MRPL39: variants seen among roughly 807,000 people sequenced by gnomAD.
MRPL39 encodes the protein mitochondrial ribosomal protein L39.
Under a neutral mutation model 44.5 loss-of-function variants are expected in MRPL39, and 35 were observed. The ratio of observed to expected loss-of-function variants is 0.79; its 90% CI spans 0.60 to 1.04. The LOEUF (loss-of-function observed/expected upper bound fraction) is 1.04, where lower values mean the gene tolerates loss of function less well. Among genes scored for constraint, MRPL39 ranks in the 50% least tolerant of loss-of-function variants. MRPL39 has a pLI of 0.00. For missense variants in MRPL39, 433 were observed against 413.5 expected (o/e 1.05, Z -0.41); for synonymous variants, 139 against 136.1 (o/e 1.02, Z -0.15).
At chr21:25,586,066 T>C (rs751746405) in intron 9 of MRPL39, among the ~76,000 whole-genome samples, 8 of 152,238 alleles carry the variant, frequency 5.3e-5, no homozygotes, top group Non-Finnish European at 4.4e-5. Context: ...TGAAGTGCTG[T>C]AACAAGCTAT....
intron 2 of MRPL39, 57 bp from the exon 3 acceptor site, chr21:25,603,992 T>A: frequency 1.3e-6 from 2 of 1,492,056 alleles, no homozygotes; most frequent in South Asian, 2.4e-5. Flanking sequence ...AAGTTACATG[T>A]TTAAGTGCTA....
chr21:25,597,229 T>G, intron 6 of MRPL39, 73 bp downstream of exon 6: 1 of 983,382 alleles, frequency 1.0e-6, no homozygotes, highest in Non-Finnish European at 1.5e-6. Flanking sequence ...TAAAAATTTT[T>G]AAGACCTGAA....
At chr21:25,588,458 C>T (rs191571415) in intron 9 of MRPL39, among the ~76,000 whole-genome samples, 34 of 152,230 alleles carry the variant, frequency 2.2e-4, no homozygotes, top group African/African-American at 7.5e-4. Flanking sequence ...TGGCTAAAGG[C>T]GGCTTTAAAA....
At chr21:25,604,044 T>C in intron 2 of MRPL39, 109 bp from the exon 3 acceptor site, 1 of 1,037,798 alleles carries the variant, frequency 9.6e-7, no homozygotes, top group Non-Finnish European at 1.4e-6. Context: ...TTCTGCAGAC[T>C]GTCCTTTTTA....
chr21:25,590,722 T>A (rs1249922835), intron 8 of MRPL39, among the ~76,000 whole-genome samples: 1 of 152,182 alleles, frequency 6.6e-6, no homozygotes, highest in Non-Finnish European at 1.5e-5. Flanking sequence ...GCTATACAGG[T>A]CTAATGGACT....
chr21:25,586,860 C>T (rs1204520637), intron 9 of MRPL39, among the ~76,000 whole-genome samples: 1 of 152,148 alleles, frequency 6.6e-6, no homozygotes, highest in Admixed American at 6.5e-5. Context: ...CTTCTTTATG[C>T]CAGAGCCCCA....
At chr21:25,607,495 G>A (rs749508813), upstream of MRPL39, 12 of 1,608,464 alleles carry the variant, frequency 7.5e-6, no homozygotes, top group South Asian at 1.1e-5. Context: ...GAGAACCGTC[G>A]CGCGCAAGTC....
At position 25,593,890 on chromosome 21, in the gene MRPL39, T is replaced by C. The variant is rs370332148; in HGVS notation, c.767+3A>G. ...AGCAGCCAGTTTTTAGACTTTTACT[T>C]ACCTGTGTAGCTTGACTATTCTCTC... On this transcript the variant is annotated splice_donor_region_variant and intron_variant, in intron 7 of 9. Coordinates refer to ENST00000352957, the MANE Select transcript of MRPL39 (RefSeq NM_017446.4). The C allele has an allele frequency of 1.1e-4, 184 of 1,612,404 alleles. No individual in the cohort carries two copies. Among genetic ancestry groups the C allele is most frequent in the Non-Finnish European group, 1.5e-4 (172 of 1,179,006 alleles).
chr21:25,604,451 C>T (rs969309834), intron 2 of MRPL39, among the ~76,000 whole-genome samples: 1 of 152,096 alleles, frequency 6.6e-6, no homozygotes, highest in Non-Finnish European at 1.5e-5. Context: ...GATAGATACA[C>T]ACACAACTCA....
intron 3 of MRPL39, among the ~76,000 whole-genome samples, chr21:25,603,009 T>C (rs559216856): frequency 1.7e-4 from 26 of 152,210 alleles, no homozygotes; most frequent in African/African-American, 6.3e-4. Context: ...TAAAGGTGTT[T>C]AGCAGTTCTT....
chr21:25,596,023 A>G (rs1433531565), intron 6 of MRPL39, among the ~76,000 whole-genome samples: 1 of 152,256 alleles, frequency 6.6e-6, no homozygotes, highest in Non-Finnish European at 1.5e-5. Context: ...GTTTCAAGAA[A>G]AAGTGTTTCA....
chr21:25,607,499 G>GC, upstream of MRPL39: 1 of 1,607,116 alleles, frequency 6.2e-7, no homozygotes, highest in Non-Finnish European at 8.5e-7. Context: ...ACCGTCGCGC[G>GC]CAAGTCCTTC....
intron 8 of MRPL39, among the ~76,000 whole-genome samples, chr21:25,589,392 T>C (rs957736297): frequency 6.6e-6 from 1 of 151,250 alleles, no homozygotes; most frequent in Non-Finnish European, 1.5e-5. Context: ...CCCTAAAGAA[T>C]AAGTAAAACC....
chr21:25,596,991 C>T (rs894751256), intron 6 of MRPL39, among the ~76,000 whole-genome samples: 10 of 152,118 alleles, frequency 6.6e-5, no homozygotes, highest in African/African-American at 2.4e-4. Context: ...CTGCCAAATA[C>T]ACACAATTAT....
rs529385785 is a variant in MRPL39 at position 25,606,347 on chromosome 21, C to A, written c.280+102G>T. 889 of 1,068,162 alleles carry A rather than the reference C, an allele frequency of 8.3e-4. 1 individual carries two copies. Among genetic ancestry groups the A allele is most frequent in the Non-Finnish European group, 1.1e-3 (819 of 742,268 alleles). 66.2% of individuals were successfully genotyped at this position (1,068,162 alleles called of 1,614,324 possible). A position where few individuals can be genotyped will look rare whatever the true frequency, so the allele number is the denominator to read the frequency against. On this transcript the variant is annotated intron_variant, in intron 2 of 9. Coordinates refer to ENST00000352957, the MANE Select transcript of MRPL39 (RefSeq NM_017446.4). ...TTTGGTATAAAGGGATTGCCATGGC[C>A]ACAGATGACCAGAAGTAATTACAGC...
intron 9 of MRPL39, among the ~76,000 whole-genome samples, chr21:25,586,662 C>T (rs1463547315): frequency 2.6e-5 from 4 of 152,196 alleles, no homozygotes. Flanking sequence ...GTGACCTGTA[C>T]ATTCAAATTC....
chr21:25,595,957 A>T (rs1055844882), intron 6 of MRPL39, among the ~76,000 whole-genome samples: 2 of 152,236 alleles, frequency 1.3e-5, no homozygotes, highest in African/African-American at 4.8e-5. Context: ...ACTCTAGTTA[A>T]AACAGTACAT....
At position 25,593,911 on chromosome 21, in the gene MRPL39, C is replaced by A. The variant is rs2031259575; in HGVS notation, c.749G>T (p.Arg250Ile). Residue 250 changes from arginine (R) to isoleucine (I), a missense_variant, in exon 7 of 10, where the codon AGA becomes ATA. Arg to Ile is a moderately conservative substitution (Grantham distance 97). Coordinates refer to ENST00000352957, the MANE Select transcript of MRPL39 (RefSeq NM_017446.4). ...IEEKASQNPE[R>I]IVKLHRIGDF... ...TACTTACCTGTGTAGCTTGACTATT[C>A]TCTCAGGGTTCTGAGATGCCTTCTC... 2 of 1,613,656 alleles carry A rather than the reference C, an allele frequency of 1.2e-6. No homozygotes were observed. The highest frequency in any genetic ancestry group is 1.7e-6 in the Non-Finnish European group (2 of 1,179,812).
rs535671555 is a variant in MRPL39, at chr21:25,601,065, G to A, written c.520+303C>T. 4.6e-4 allele frequency among the ~76,000 whole-genome samples: 69 copies of A among 150,726 alleles called. 1 individual carries two copies. Among genetic ancestry groups the A allele is most frequent in the Non-Finnish European group, 8.5e-4 (58 of 68,022 alleles). On this transcript the variant is annotated intron_variant, in intron 4 of 9. Transcript: ENST00000352957. ...GGAGCTTGCAGTGAGCCAAGATCAC[G>A]CCACTGCACTCCAGCCTGGGTGACA...
Sources: gnomAD v4.1 joint callset for allele counts (sites outside exome capture counted in the v4.1 genomes callset) on GRCh38, gnomAD v4.1.1 for gene constraint, MANE v1.5 for transcripts, NCBI Gene and HGNC (gene_info 2026-07-23, HGNC 2026-07-21) for gene names.